RSPH10B: variants seen among roughly 807,000 people sequenced by gnomAD.
RSPH10B encodes the protein radial spoke head 10 homolog B.
In RSPH10B, 7 loss-of-function variants were observed where a neutral mutation model predicts 52.5. The observed-to-expected ratio is 0.13, with a 90% CI of 0.08 to 0.25. The LOEUF (loss-of-function observed/expected upper bound fraction) is 0.25, where lower values mean the gene tolerates loss of function less well. Ranked by LOEUF, RSPH10B falls within the 10% of genes least tolerant of loss-of-function variation. The pLI is 1.00. For missense variants in RSPH10B, 89 were observed against 542.5 expected, an observed-to-expected ratio of 0.16 and a Z score of 8.30; for synonymous variants, 28 against 193.2, an observed-to-expected ratio of 0.14 and a Z score of 7.09.
intron 3 of RSPH10B, among the ~76,000 whole-genome samples, chr7:5,964,071 C>G (rs1343424950): frequency 1.3e-5 from 2 of 148,392 alleles, no homozygotes; most frequent in Non-Finnish European, 3.0e-5. Context: ...CAGAGCAAGA[C>G]CCCATCTCAG....
chr7:5,933,709 G>A (rs1314099177), intron 16 of RSPH10B, among the ~76,000 whole-genome samples: 3 of 136,150 alleles, frequency 2.2e-5, no homozygotes, highest in East Asian at 2.2e-4. Context: ...GCAATGAGCC[G>A]AGATCCAAGA....
chr7:5,959,030 A>C, exon 5 of RSPH10B: 1 of 1,348,128 alleles, frequency 7.4e-7, no homozygotes, highest in Non-Finnish European at 1.0e-6. Flanking sequence ...TTTTGTACCC[A>C]GTCTCCCTCG....
At chr7:5,958,900 T>C in intron 5 of RSPH10B, 93 bp downstream of exon 7, 1 of 1,414,300 alleles carries the variant, frequency 7.1e-7, no homozygotes, top group Non-Finnish European at 9.8e-7. Flanking sequence ...CGTGCAACTT[T>C]TGCATCTTAC....
chr7:5,928,352 T>G (rs1179852716), exon 18 of RSPH10B: 1 of 1,613,166 alleles, frequency 6.2e-7, no homozygotes, highest in Non-Finnish European at 8.5e-7. Flanking sequence ...GACCCACGTG[T>G]TGAACTCTTC....
intron 17 of RSPH10B, among the ~76,000 whole-genome samples, chr7:5,931,964 G>T (rs1425314758): frequency 6.6e-6 from 1 of 151,444 alleles, no homozygotes; most frequent in Non-Finnish European, 1.5e-5. Flanking sequence ...ACTCCAGCCT[G>T]GGCAAGAAAG....
chr7:5,927,045 G>GTGTGTGTGTA (rs71762251), intron 18 of RSPH10B, among the ~76,000 whole-genome samples: 1,813 of 122,898 alleles, frequency 0.015, 15 homozygotes, highest in African/African-American at 0.045. Context: ...GTGTGTGTGT[G>GTGTGTGTGTA]TATTATGTGT....
intron 17 of RSPH10B, among the ~76,000 whole-genome samples, chr7:5,931,511 G>C (rs1302217577): frequency 6.6e-6 from 1 of 151,288 alleles, no homozygotes; most frequent in Non-Finnish European, 1.5e-5. Context: ...AGATCACTTG[G>C]GCCCGGGAGT....
intron 13 of RSPH10B, among the ~76,000 whole-genome samples, chr7:5,941,650 A>G (rs1381374118): frequency 6.9e-6 from 1 of 144,328 alleles, no homozygotes; most frequent in East Asian, 2.1e-4. Flanking sequence ...AGGCTGAGGC[A>G]GGAGAATTGC....
chr7:5,938,011 C>CCACACA, intron 14 of RSPH10B, 110 bp from the exon 17 acceptor site: 1 of 731,038 alleles, frequency 1.4e-6, no homozygotes, highest in Non-Finnish European at 2.4e-6. Context: ...GCACGTTTGC[C>CCACACA]CACACACACA....
chr7:5,956,907 C>T (rs1780749154), intron 6 of RSPH10B, among the ~76,000 whole-genome samples: 1 of 96,770 alleles, frequency 1.0e-5, no homozygotes, highest in South Asian at 3.8e-4. Flanking sequence ...GGTGCTGTGC[C>T]TCATGCCTGT....
chr7:5,927,047 ATTATGTGTG>A (rs1779485643), intron 18 of RSPH10B, among the ~76,000 whole-genome samples: 1 of 51,488 alleles, frequency 1.9e-5, no homozygotes, highest in African/African-American at 5.2e-5. Context: ...GTGTGTGTGT[ATTATGTGTG>A]TGTGTGTGTG....
chr7:5,966,429 A>G (rs1781109986), intron 1 of RSPH10B, among the ~76,000 whole-genome samples: 1 of 117,364 alleles, frequency 8.5e-6, no homozygotes, highest in South Asian at 2.6e-4. Flanking sequence ...TCAGCATCAC[A>G]CAACATGCCC....
chr7:5,965,690 C>T, exon 2 of RSPH10B: 1 of 186,388 alleles, frequency 5.4e-6, no homozygotes, highest in South Asian at 8.0e-5. Context: ...TCATACAGCC[C>T]ACGAACCTTT....
chr7:5,941,732 G>A (rs1780199932), intron 13 of RSPH10B, among the ~76,000 whole-genome samples: 1 of 136,382 alleles, frequency 7.3e-6, no homozygotes. Context: ...AAAAGAGCGA[G>A]ACTTTGTCTA....
chr7:5,927,086 G>GTGTATATATATA (rs1779523947), intron 18 of RSPH10B, among the ~76,000 whole-genome samples: 67 of 68,860 alleles, frequency 9.7e-4, no homozygotes, highest in African/African-American at 3.4e-3. Context: ...GTGTGTGTGT[G>GTGTATATATATA]TGTGTGTGTG....
At chr7:5,928,694 T>A (rs1779661235) in intron 17 of RSPH10B, among the ~76,000 whole-genome samples, 1 of 148,492 alleles carries the variant, frequency 6.7e-6, no homozygotes, top group Non-Finnish European at 1.5e-5. Flanking sequence ...TGCAGTGGCG[T>A]GATCTCTGCT....
At chr7:5,927,070 A>ATTTG (rs1554284566) in intron 18 of RSPH10B, among the ~76,000 whole-genome samples, 1 of 110,690 alleles carries the variant, frequency 9.0e-6, no homozygotes. Context: ...GTGTGTGTAT[A>ATTTG]TGTGTGTGTG....
rs1345730985 is a variant in RSPH10B at position 5,950,377 on chromosome 7, C to G, written c.1224+918G>C. Among the ~76,000 whole-genome samples the G allele has an allele frequency of 2.6e-5, 4 of 151,314 alleles. 1 individual carries two copies. Among genetic ancestry groups the G allele is most frequent in the Non-Finnish European group, 4.4e-5 (3 of 67,710 alleles). Reference sequence around the variant, plus strand: ...CCTGAGGTCAGGAGTTCGAGACCAGCCTGGGCAACACAGTGAAACTCCATC... The same window carrying G: ...CCTGAGGTCAGGAGTTCGAGACCAGGCTGGGCAACACAGTGAAACTCCATC... On this transcript the variant is annotated intron_variant, in intron 9 of 18. Coordinates refer to ENST00000337579, the Ensembl canonical transcript of RSPH10B.
rs71762251 is a variant in RSPH10B at position 5,927,045 on chromosome 7, G to GTGTGTGTGTGTGTGTGTGTA, written c.2433-498_2433-497insTACACACACACACACACACA. Among the ~76,000 whole-genome samples the GTGTGTGTGTGTGTGTGTGTA allele has an allele frequency of 1.8e-3, 218 of 122,996 alleles. 1 individual carries two copies. The highest frequency in any genetic ancestry group is 4.1e-3 in the Middle Eastern group (1 of 242). 80.7% of individuals were successfully genotyped at this position (122,996 alleles called of 152,430 possible). On this transcript the variant is annotated intron_variant, in intron 18 of 18. Coordinates refer to ENST00000337579, the Ensembl canonical transcript of RSPH10B. ...TACGTGTGTGTGTGTGTGTGTGTGT[G>GTGTGTGTGTGTGTGTGTGTA]TATTATGTGTGTGTGTGTGTGTATA... is the stretch of plus-strand genomic sequence containing the variant.
Sources: allele counts gnomAD v4.1 joint callset (sites outside exome capture counted in the v4.1 genomes callset), GRCh38; gene constraint gnomAD v4.1.1; transcripts MANE v1.5; gene names NCBI Gene and HGNC (gene_info 2026-07-23, HGNC 2026-07-21).